SOX5: variants seen among roughly 807,000 people sequenced by gnomAD.
The protein encoded by SOX5 is SRY-box transcription factor 5.
SOX5 carries 9 observed loss-of-function variants against 92.0 expected under a neutral mutation model. That is an observed-to-expected ratio of 0.10 (90% CI 0.06 to 0.17). The LOEUF (loss-of-function observed/expected upper bound fraction) is 0.17. Among genes scored for constraint, SOX5 ranks in the 10% least tolerant of loss-of-function variants. The pLI, the probability that SOX5 is intolerant of heterozygous loss-of-function variation, is 1.00. For synonymous variants in SOX5, 344 were observed against 336.3 expected (o/e 1.02, Z -0.25); for missense variants, 642 against 944.5 (o/e 0.68, Z 4.20).
chr12:24,304,402 A>T (rs1282904730), intron 2 of SOX5, among the ~76,000 whole-genome samples: 1 of 152,180 alleles, frequency 6.6e-6, no homozygotes, highest in African/African-American at 2.4e-5. Context: ...TTAGAAAAAG[A>T]GGAAATTTTC....
chr12:24,455,264 A>C (rs1596862148), intron 1 of SOX5, among the ~76,000 whole-genome samples: 1 of 152,208 alleles, frequency 6.6e-6, no homozygotes, highest in African/African-American at 2.4e-5. Context: ...ACGCAGGAAG[A>C]GTTCCTCTAT....
chr12:24,530,401 G>A (rs1253135015), intron 1 of SOX5, among the ~76,000 whole-genome samples: 1 of 152,082 alleles, frequency 6.6e-6, no homozygotes, highest in South Asian at 2.1e-4. Flanking sequence ...ATATTATGTG[G>A]GTAATAGCTA....
chr12:24,212,157 C>A (rs1173552500), intron 4 of SOX5, among the ~76,000 whole-genome samples: 1 of 152,180 alleles, frequency 6.6e-6, no homozygotes, highest in African/African-American at 2.4e-5. Context: ...TAAGCATATG[C>A]ATTGCATGAA....
At chr12:24,185,340 T>C (rs1955908234) in intron 4 of SOX5, among the ~76,000 whole-genome samples, 1 of 152,050 alleles carries the variant, frequency 6.6e-6, no homozygotes, top group Admixed American at 6.6e-5. Flanking sequence ...TGCACTCCAA[T>C]CCTCTCCCTC....
intron 1 of SOX5, among the ~76,000 whole-genome samples, chr12:24,491,738 T>A (rs1947098902): frequency 6.6e-6 from 1 of 152,162 alleles, no homozygotes; most frequent in South Asian, 2.1e-4. Flanking sequence ...ACTTAACCAG[T>A]GCACCAAAAG....
At chr12:24,056,105 T>C (rs929544431) in intron 4 of SOX5, among the ~76,000 whole-genome samples, 3 of 152,194 alleles carry the variant, frequency 2.0e-5, no homozygotes, top group Non-Finnish European at 4.4e-5. Context: ...TGAATTCAAG[T>C]ACTAGTGTAT....
chr12:23,659,435 T>C (rs2139269227), intron 7 of SOX5, among the ~76,000 whole-genome samples: 1 of 152,346 alleles, frequency 6.6e-6, no homozygotes. Context: ...TAAGCTTGGC[T>C]CATCGACTTC....
At chr12:24,340,508 G>A (rs960460837) in intron 2 of SOX5, among the ~76,000 whole-genome samples, 4 of 152,208 alleles carry the variant, frequency 2.6e-5, no homozygotes, top group African/African-American at 4.8e-5. Context: ...ATATCTGGGA[G>A]CTAAAGCTGT....
At chr12:24,513,308 A>C (rs1949491277) in intron 1 of SOX5, among the ~76,000 whole-genome samples, 1 of 152,268 alleles carries the variant, frequency 6.6e-6, no homozygotes, top group Admixed American at 6.5e-5. Flanking sequence ...AAATAACCCC[A>C]TTGTAAGTCG....
intron 4 of SOX5, among the ~76,000 whole-genome samples, chr12:24,106,849 C>G (rs1946754048): frequency 6.9e-6 from 1 of 144,988 alleles, no homozygotes; most frequent in South Asian, 2.2e-4. Flanking sequence ...TAAATAGAAG[C>G]ATATTAGAAC....
At chr12:23,939,800 G>T (rs1943275337) in intron 1 of SOX5, among the ~76,000 whole-genome samples, 1 of 150,922 alleles carries the variant, frequency 6.6e-6, no homozygotes, top group East Asian at 1.9e-4. Context: ...GCTTTGCAGA[G>T]TTTAACATTT....
chr12:23,703,727 G>GGGACAC (rs151203203), intron 6 of SOX5, among the ~76,000 whole-genome samples: 1 of 148,716 alleles, frequency 6.7e-6, no homozygotes, highest in East Asian at 2.0e-4. Flanking sequence ...TTTCTCAGGG[G>GGGACAC]ACACACACAC....
intron 1 of SOX5, among the ~76,000 whole-genome samples, chr12:24,531,189 T>C (rs984804649): frequency 6.6e-6 from 1 of 152,050 alleles, no homozygotes; most frequent in African/African-American, 2.4e-5. Flanking sequence ...ACTATGAAAA[T>C]TGGAGGCATT....
At chr12:23,784,802 C>A (rs1017320950) in intron 3 of SOX5, among the ~76,000 whole-genome samples, 2 of 152,166 alleles carry the variant, frequency 1.3e-5, no homozygotes, top group African/African-American at 4.8e-5. Context: ...ATTGGCCACA[C>A]GCAGTGGCTC....
chr12:24,436,853 C>T lies in SOX5; in HGVS notation c.-250-68214G>A, dbSNP rs148189943. Among the ~76,000 whole-genome samples the T allele has an allele frequency of 4.9e-4, 74 of 152,210 alleles. No homozygotes were observed. In the East Asian group the frequency reaches 0.012, roughly 25 times the overall value. On this transcript the variant is annotated intron_variant, in intron 1 of 4. Transcript: ENST00000446891. ...TGCACCTGGTGACTCTAAGTGAAAG[C>T]CAACGCTTATTTACCATTCCAAACA...
chr12:24,375,042 G>A (rs1164033466), intron 1 of SOX5, among the ~76,000 whole-genome samples: 3 of 151,990 alleles, frequency 2.0e-5, no homozygotes, highest in East Asian at 1.9e-4. Context: ...GTGCAATCTC[G>A]GCTCACTGCA....
chr12:24,154,142 T>TA (rs1951929947), intron 4 of SOX5, among the ~76,000 whole-genome samples: 3 of 152,082 alleles, frequency 2.0e-5, no homozygotes, highest in African/African-American at 7.2e-5. Flanking sequence ...AGAGCAGTAG[T>TA]AAACTACACC....
chr12:23,837,933 A>G (rs1380665812), intron 3 of SOX5, among the ~76,000 whole-genome samples: 1 of 119,350 alleles, frequency 8.4e-6, no homozygotes, highest in Non-Finnish European at 1.6e-5. Context: ...TATTTATATA[A>G]TATATATTTA....
chr12:24,316,557 TGAAG>T lies in SOX5; in HGVS notation c.-173-39249_-173-39246del, dbSNP rs887828216. ...TCTCTGGGCCTCTAACTTTTGGGTG[TGAAG>T]GAAGGAAGGAAGGAAGAAGAAAATC... On this transcript the variant is annotated intron_variant, in intron 2 of 4. Transcript: ENST00000446891. 8.2e-4 allele frequency among the ~76,000 whole-genome samples: 125 copies of T among 151,932 alleles called. 1 individual carries two copies. Among genetic ancestry groups the T allele is most frequent in the African/African-American group, 2.6e-3 (109 of 41,472 alleles).
Sources: allele counts gnomAD v4.1 joint callset (sites outside exome capture counted in the v4.1 genomes callset), GRCh38; gene constraint gnomAD v4.1.1; transcripts MANE v1.5; gene names NCBI Gene and HGNC (gene_info 2026-07-23, HGNC 2026-07-21).